The following ZFYVE26 variants were observed in gnomAD, a reference collection of about 807,000 sequenced individuals.
The protein encoded by ZFYVE26 is zinc finger FYVE domain-containing protein 26.
In ZFYVE26, 181 loss-of-function variants were observed where a neutral mutation model predicts 276.5. The observed-to-expected ratio is 0.65, with a 90% CI of 0.58 to 0.74. The LOEUF (loss-of-function observed/expected upper bound fraction) is 0.74, where lower values mean the gene tolerates loss of function less well. Among genes scored for constraint, ZFYVE26 ranks in the 30% least tolerant of loss-of-function variants. ZFYVE26 has a pLI of 0.00. For synonymous variants in ZFYVE26, 1,129 were observed against 1,203.1 expected (o/e 0.94, Z 1.27); for missense variants, 2,821 against 3,097.9 (o/e 0.91, Z 2.12).
At chr14:67,794,942 C>T (rs913434085) in intron 12 of ZFYVE26, among the ~76,000 whole-genome samples, 2 of 152,082 alleles carry the variant, frequency 1.3e-5, no homozygotes, top group Admixed American at 6.6e-5. Context: ...GAGCAAGACC[C>T]TATCTGTATT....
rs1300604049 is a variant in ZFYVE26, at chr14:67,785,220, T to C, written c.3362A>G (p.Glu1121Gly). The change falls in exon 19 of 42, where the codon GAG becomes GGG. Residue 1121 changes from glutamate to glycine, a missense_variant. Transcript: ENST00000347230. ...LVEQAAQKAP[E>G]AEAHPVQIQT... ...GATCTGCACAGGGTGGGCCTCTGCC[T>C]CTGGAGCTTTCTGGGCTGCCTGCTC... The C allele has an allele frequency of 1.9e-6, 3 of 1,613,760 alleles. No homozygotes were observed. Among genetic ancestry groups the C allele is most frequent in the Non-Finnish European group, 2.5e-6 (3 of 1,179,780 alleles).
chr14:67,790,707 G>A lies in ZFYVE26; in HGVS notation c.2620C>T (p.Gln874Ter), dbSNP rs1393427823. The change falls in exon 15 of 42, where the codon CAG becomes TAG. Residue 874 changes from glutamine (Q) to a stop codon, truncating the protein, a stop_gained. Coordinates refer to ENST00000347230, the MANE Select transcript of ZFYVE26 (RefSeq NM_015346.4). LOFTEE classifies it high-confidence loss of function. ...SGELMFMERY[Q>*]EVIQELAQVE... ...TGGGCCAGTTCTTGGATCACTTCCT[G>A]GTAGCGCTCCATGAACATCAGTTCC... 2 of 1,614,080 alleles carry A rather than the reference G, an allele frequency of 1.2e-6. No homozygotes were observed. The highest frequency in any genetic ancestry group is 1.3e-5 in the African/African-American group (1 of 74,934).
chr14:67,815,510 C>CA (rs2040383741), intron 2 of ZFYVE26: 6 of 541,356 alleles, frequency 1.1e-5, no homozygotes, highest in Non-Finnish European at 2.0e-5. Flanking sequence ...TCTATATTAA[C>CA]GAGGATAAAC....
In ZFYVE26 at chr14:67,784,394, T is replaced by G; in HGVS notation, c.3566A>C (p.Gln1189Pro). The change falls in exon 20 of 42, where the codon CAA (glutamine) becomes CCA (proline). Residue 1189 changes from glutamine to proline, a missense_variant. By Grantham distance (76) the Gln-to-Pro change is moderately conservative. Coordinates refer to ENST00000347230, the MANE Select transcript of ZFYVE26 (RefSeq NM_015346.4). Reference protein sequence around the residue: ...VKVGNPFVLLQQSSSQLVSHL... With the variant: ...VKVGNPFVLLPQSSSQLVSHL... The stretch of plus-strand genomic sequence containing the variant: ...TGACACCAGTTGGGAAGAGCTCTGT[T>G]GCAGCAGAACAAAGGGATTTCCTAC... The G allele has an allele frequency of 6.2e-7, 1 of 1,614,116 alleles. No individual in the cohort carries two copies. Among genetic ancestry groups the G allele is most frequent in the African/African-American group, 1.3e-5 (1 of 75,046 alleles).
At position 67,793,593 on chromosome 14, in the gene ZFYVE26, A is replaced by G; in HGVS notation, c.2553+15T>C. The G allele has an allele frequency of 6.2e-7, 1 of 1,612,732 alleles. No individual in the cohort carries two copies. Among genetic ancestry groups the G allele is most frequent in the Non-Finnish European group, 8.5e-7 (1 of 1,179,432 alleles). ...TAAGTCATTCAGGGGCTGAAAAGGTATGGCCTCCCCTCACCTGATGGGCTT... is the reference window on the plus strand; with the variant it reads ...TAAGTCATTCAGGGGCTGAAAAGGTGTGGCCTCCCCTCACCTGATGGGCTT... On this transcript the variant is annotated intron_variant, in intron 14 of 41. Coordinates refer to ENST00000347230, the MANE Select transcript of ZFYVE26 (RefSeq NM_015346.4).
In ZFYVE26 at chr14:67,753,717, C is replaced by A. The variant is rs781771080; in HGVS notation, c.7178G>T (p.Arg2393Leu). The change falls in exon 39 of 42, where the codon CGT (arginine) becomes CTT (leucine). Residue 2393 changes from arginine to leucine, a missense_variant. Coordinates refer to ENST00000347230, the MANE Select transcript of ZFYVE26 (RefSeq NM_015346.4). The stretch of plus-strand genomic sequence containing the variant: ...TGATCCAAGTCATACCTGCAGAACA[C>A]GGAAAGCAATTCCAAAACCATCTTC... ...NVEDGFGIAF[R>L]VLQDFQLDAA... 1 of 1,613,572 alleles carries A rather than the reference C, an allele frequency of 6.2e-7. No homozygotes were observed. The highest frequency in any genetic ancestry group is 1.1e-5 in the South Asian group (1 of 90,900).
At chr14:67,772,478 T>C (rs907213013) in intron 27 of ZFYVE26, among the ~76,000 whole-genome samples, 1 of 152,180 alleles carries the variant, frequency 6.6e-6, no homozygotes, top group Non-Finnish European at 1.5e-5. Context: ...TAACTACAAG[T>C]GTCCTGGAAA....
chr14:67,762,035 A>G (rs1373952850), intron 34 of ZFYVE26, 168 bp downstream of exon 34: 3 of 669,122 alleles, frequency 4.5e-6, no homozygotes, highest in South Asian at 3.5e-5. Context: ...CTAACCATAT[A>G]TGGTTACTTA....
chr14:67,807,917 G>A lies in ZFYVE26; in HGVS notation c.367C>T (p.Leu123=). ...GDIPENILEE[L]YETLTQGAVG... is the part of the protein sequence containing the mutation. ...GCACCCTGTGTTAAGGTCTCATACA[G>A]CTCCTAAATAGAGGATGAAGAAAAG... Residue 123 remains leucine, a synonymous_variant, in exon 5 of 42, where the codon CTG becomes TTG. Transcript: ENST00000347230. 1.9e-6 allele frequency: 3 copies of A among 1,614,186 alleles called. No homozygotes were observed. Among genetic ancestry groups the A allele is most frequent in the Non-Finnish European group, 2.5e-6 (3 of 1,180,024 alleles).
chr14:67,801,175 C>T (rs559784418), intron 10 of ZFYVE26, among the ~76,000 whole-genome samples: 3 of 152,030 alleles, frequency 2.0e-5, no homozygotes, highest in African/African-American at 7.2e-5. Flanking sequence ...TGCTTGAACC[C>T]AGGAGGCGGA....
chr14:67,780,127 A>G, intron 23 of ZFYVE26, 114 bp downstream of exon 23: 1 of 1,010,342 alleles, frequency 9.9e-7, no homozygotes, highest in Non-Finnish European at 1.5e-6. Flanking sequence ...AATGTGGTAT[A>G]GTTATTTTTT....
At chr14:67,800,989 A>T (rs2040066475) in intron 10 of ZFYVE26, among the ~76,000 whole-genome samples, 2 of 152,062 alleles carry the variant, frequency 1.3e-5, no homozygotes. Context: ...GCAGTGGCTC[A>T]TGCCTATAAT....
chr14:67,816,005 A>G lies in ZFYVE26; in HGVS notation c.-42T>C. The G allele has an allele frequency of 6.7e-7, 1 of 1,496,786 alleles. No individual in the cohort carries two copies. The highest frequency in any genetic ancestry group is 2.3e-5 in the East Asian group (1 of 42,832). The allele number at this position is 1,496,786 out of a possible 1,614,324, so 92.7% of individuals were successfully genotyped here. A position where few individuals can be genotyped will look rare whatever the true frequency, so the allele number is the denominator to read the frequency against. On this transcript the variant is annotated 5_prime_UTR_variant, in exon 2 of 42. The change abolishes the stop of an existing upstream ORF in the 5' untranslated region. Coordinates refer to ENST00000347230, the MANE Select transcript of ZFYVE26 (RefSeq NM_015346.4). ...GCAGGGAGATACAAAGAAATGAGTT[A>G]TGCCGAACACATTCTCAATGTTCTC...
chr14:67,814,477 C>A (rs146835423), intron 2 of ZFYVE26, among the ~76,000 whole-genome samples: 5,062 of 152,208 alleles, frequency 0.033, 195 homozygotes, highest in African/African-American at 0.087. Flanking sequence ...CTAGATCATG[C>A]CACTGCACTC....
At chr14:67,805,858 A>G (rs1054620808) in intron 6 of ZFYVE26, among the ~76,000 whole-genome samples, 2 of 152,130 alleles carry the variant, frequency 1.3e-5, no homozygotes, top group Non-Finnish European at 2.9e-5. Context: ...GGGAAACCCT[A>G]TCTCTACTAA....
intron 7 of ZFYVE26, 45 bp from the exon 8 acceptor site, chr14:67,805,350 G>A (rs1222032512): frequency 6.2e-7 from 1 of 1,613,294 alleles, no homozygotes; most frequent in Non-Finnish European, 8.5e-7. Flanking sequence ...TCAGGCACCT[G>A]GGGTTACAGA....
At chr14:67,797,938 C>T in intron 11 of ZFYVE26, 76 bp downstream of exon 11, 1 of 1,609,570 alleles carries the variant, frequency 6.2e-7, no homozygotes. Flanking sequence ...CCTATGTACT[C>T]CTAGCTCTCT....
chr14:67,806,445 T>C, intron 6 of ZFYVE26, 100 bp downstream of exon 6: 2 of 1,487,242 alleles, frequency 1.3e-6, no homozygotes, highest in Middle Eastern at 1.7e-4. Flanking sequence ...CTAATTAGAC[T>C]GCTTTATGGT....
chr14:67,732,483 T>G (rs2038293381), intron 13 of ZFYVE26, among the ~76,000 whole-genome samples: 1 of 145,232 alleles, frequency 6.9e-6, no homozygotes, highest in Admixed American at 7.1e-5. Flanking sequence ...CCCGGTTTTA[T>G]GTAAGAGAGA....
Sources: gnomAD v4.1 joint callset for allele counts (sites outside exome capture counted in the v4.1 genomes callset) on GRCh38, gnomAD v4.1.1 for gene constraint, MANE v1.5 for transcripts, NCBI Gene and HGNC (gene_info 2026-07-23, HGNC 2026-07-21) for gene names.